MAGI2: variants seen among roughly 807,000 people sequenced by gnomAD.
MAGI2 encodes the protein membrane-associated guanylate kinase, WW and PDZ domain-containing protein 2.
MAGI2 carries 35 observed loss-of-function variants against 133.3 expected under a neutral mutation model. The observed-to-expected ratio is 0.26, with a 90% confidence interval of 0.20 to 0.35. The LOEUF (loss-of-function observed/expected upper bound fraction) is 0.35. Ranked by LOEUF, MAGI2 falls within the 10% of genes least tolerant of loss-of-function variation. The pLI is 1.00. For missense variants in MAGI2, 1,636 were observed against 1,863.4 expected (o/e 0.88, Z 2.25); for synonymous variants, 729 against 710.6 (o/e 1.03, Z -0.41).
At chr7:79,421,926 TA>T (rs1223012058) in intron 1 of MAGI2, among the ~76,000 whole-genome samples, 1 of 152,076 alleles carries the variant, frequency 6.6e-6, no homozygotes, top group Non-Finnish European at 1.5e-5. Flanking sequence ...TATTTCTTTT[TA>T]TCTGAACTCA....
chr7:79,174,624 G>A (rs181845380), intron 1 of MAGI2, among the ~76,000 whole-genome samples: 14 of 151,268 alleles, frequency 9.3e-5, no homozygotes, highest in African/African-American at 3.4e-4. Flanking sequence ...GGCCAAGGTG[G>A]GAGGATCTTA....
chr7:79,327,525 A>G (rs960398463), intron 1 of MAGI2, among the ~76,000 whole-genome samples: 1 of 152,292 alleles, frequency 6.6e-6, no homozygotes, highest in East Asian at 1.9e-4. Flanking sequence ...ACTAACAGTT[A>G]TATGTATCGC....
intron 16 of MAGI2, among the ~76,000 whole-genome samples, chr7:78,141,608 G>GA (rs1822760756): frequency 6.6e-6 from 1 of 152,168 alleles, no homozygotes; most frequent in East Asian, 1.9e-4. Flanking sequence ...TTCCAAAGAT[G>GA]AAAACGTCTT....
intron 4 of MAGI2, among the ~76,000 whole-genome samples, chr7:78,520,232 G>A (rs562803734): frequency 3.3e-5 from 5 of 152,136 alleles, no homozygotes; most frequent in Admixed American, 2.0e-4. Context: ...GCACAAATTC[G>A]ATTTTTGGTC....
At chr7:78,729,186 C>A (rs1431246483) in intron 2 of MAGI2, among the ~76,000 whole-genome samples, 1 of 152,034 alleles carries the variant, frequency 6.6e-6, no homozygotes, top group African/African-American at 2.4e-5. Flanking sequence ...TGGTTTAGTG[C>A]CAATATCCAA....
rs1585840184 is a variant in MAGI2, at chr7:79,399,079, C to CTTTTCTTTTTTTT, written c.301+53940_301+53941insAAAAAAAAGAAAA. Among the ~76,000 whole-genome samples the CTTTTCTTTTTTTT allele has an allele frequency of 1.8e-3, 207 of 114,578 alleles. 5 individuals carry two copies. The highest frequency in any genetic ancestry group is 5.3e-3 in the East Asian group (18 of 3,412). 75.2% of individuals were successfully genotyped at this position (114,578 alleles called of 152,430 possible). A position where few individuals can be genotyped will look rare whatever the true frequency, so the allele number is the denominator to read the frequency against. ...CATCTTCAATTCACTAGTATTATTT[C>CTTTTCTTTTTTTT]TTTTTTTTTTCTTTTCTTTTTTTTT... On this transcript the variant is annotated intron_variant, in intron 1 of 21. Transcript: ENST00000354212.
At chr7:78,466,288 C>T (rs1027848384) in intron 6 of MAGI2, among the ~76,000 whole-genome samples, 1 of 152,218 alleles carries the variant, frequency 6.6e-6, no homozygotes, top group Non-Finnish European at 1.5e-5. Context: ...ACTGTAATCA[C>T]TGATTTTATT....
intron 6 of MAGI2, among the ~76,000 whole-genome samples, chr7:78,369,584 A>C (rs547801690): frequency 5.0e-4 from 76 of 152,224 alleles, no homozygotes; most frequent in African/African-American, 1.8e-3. Flanking sequence ...ATTTCAGGAC[A>C]AAGACCACAT....
chr7:79,109,730 T>G (rs1170472952), intron 1 of MAGI2, among the ~76,000 whole-genome samples: 1 of 152,102 alleles, frequency 6.6e-6, no homozygotes, highest in Non-Finnish European at 1.5e-5. Flanking sequence ...AGGAGCTGAG[T>G]GCCAATAGCC....
chr7:78,601,519 T>C (rs971512575), intron 3 of MAGI2, among the ~76,000 whole-genome samples: 1 of 152,224 alleles, frequency 6.6e-6, no homozygotes. Context: ...CTGTCTGCCT[T>C]ACCTCAGGAA....
At chr7:78,668,451 G>T (rs1396585282) in intron 2 of MAGI2, among the ~76,000 whole-genome samples, 1 of 150,824 alleles carries the variant, frequency 6.6e-6, no homozygotes, top group Non-Finnish European at 1.5e-5. Context: ...TGGTGTTTTA[G>T]ACATGAAGTC....
chr7:78,154,651 A>G (rs1259557203), intron 16 of MAGI2, among the ~76,000 whole-genome samples: 1 of 152,112 alleles, frequency 6.6e-6, no homozygotes, highest in Non-Finnish European at 1.5e-5. Flanking sequence ...TCTACCTCAT[A>G]TATTCCGGCA....
At chr7:78,475,783 G>A (rs1420684285) in intron 6 of MAGI2, among the ~76,000 whole-genome samples, 2 of 151,852 alleles carry the variant, frequency 1.3e-5, no homozygotes, top group African/African-American at 2.4e-5. Context: ...GACAAGGGGT[G>A]AGGAGAAAAG....
At chr7:79,446,460 GT>G (rs1484376778) in intron 1 of MAGI2, among the ~76,000 whole-genome samples, 2 of 151,762 alleles carry the variant, frequency 1.3e-5, no homozygotes, top group Non-Finnish European at 2.9e-5. Context: ...AACTGCCATG[GT>G]TTTGACAGTG....
At chr7:78,527,339 T>C (rs1174239340) in intron 3 of MAGI2, among the ~76,000 whole-genome samples, 1 of 152,220 alleles carries the variant, frequency 6.6e-6, no homozygotes, top group East Asian at 1.9e-4. Flanking sequence ...ATTATTCTTC[T>C]GCTTTCTCTG....
chr7:78,441,477 T>C (rs1298392984), intron 6 of MAGI2, among the ~76,000 whole-genome samples: 1 of 152,186 alleles, frequency 6.6e-6, no homozygotes, highest in African/African-American at 2.4e-5. Context: ...AGCAATTACT[T>C]GTGTGGAGTC....
chr7:78,889,340 C>A (rs939084004), intron 2 of MAGI2, among the ~76,000 whole-genome samples: 3 of 152,188 alleles, frequency 2.0e-5, no homozygotes, highest in Non-Finnish European at 4.4e-5. Context: ...CCCAATCTAG[C>A]AAGGCAGGCC....
chr7:78,566,115 GC>G (rs1800915820), intron 3 of MAGI2, among the ~76,000 whole-genome samples: 2 of 152,134 alleles, frequency 1.3e-5, no homozygotes, highest in African/African-American at 4.8e-5. Flanking sequence ...GTGTGAGATG[GC>G]CCCGTTGATG....
intron 9 of MAGI2, among the ~76,000 whole-genome samples, chr7:78,331,100 T>C (rs1168593600): frequency 8.5e-5 from 13 of 152,172 alleles, no homozygotes; most frequent in Admixed American, 8.5e-4. Flanking sequence ...CTAAGTGAAT[T>C]AACACAAGAA....
Sources: gnomAD v4.1 joint callset for allele counts (sites outside exome capture counted in the v4.1 genomes callset) on GRCh38, gnomAD v4.1.1 for gene constraint, MANE v1.5 for transcripts, NCBI Gene and HGNC (gene_info 2026-07-23, HGNC 2026-07-21) for gene names.